The following XXYLT1 variants were observed in gnomAD, a reference collection of about 807,000 sequenced individuals.
The protein encoded by XXYLT1 is xyloside xylosyltransferase 1.
A neutral mutation model predicts 28.9 loss-of-function variants in XXYLT1; 20 were observed. That is an observed-to-expected ratio of 0.69 (90% confidence interval 0.49 to 1.00). The LOEUF (loss-of-function observed/expected upper bound fraction) is 1.00, where lower values mean the gene tolerates loss of function less well. XXYLT1 is among the 50% of genes least tolerant of loss of function. The pLI, the probability that XXYLT1 is intolerant of heterozygous loss-of-function variation, is 0.00. For synonymous variants in XXYLT1, 257 were observed against 253.8 expected (o/e 1.01, Z -0.12); for missense variants, 542 against 560.1 (o/e 0.97, Z 0.33).
At position 195,257,282 on chromosome 3, in the gene XXYLT1, T is replaced by G. The variant is rs925342511; in HGVS notation, c.504+13273A>C. 1.2e-4 allele frequency among the ~76,000 whole-genome samples: 18 copies of G among 152,234 alleles called. No individual in the cohort carries two copies. The highest frequency in any genetic ancestry group is 3.6e-4 in the African/African-American group (15 of 41,522). On this transcript the variant is annotated intron_variant, in intron 1 of 3. Coordinates refer to ENST00000310380, the MANE Select transcript of XXYLT1 (RefSeq NM_152531.5). This position sits in a 1 kb window ranked among gnomAD's most constrained non-coding sequence, Gnocchi z 4.3. ...TCCAGTGTGCGAGCCTATGCAGTCT[T>G]ACCCATGCCAGGCCCTGCGCCACTA...
chr3:195,204,787 G>T (rs191422622), intron 2 of XXYLT1, among the ~76,000 whole-genome samples: 1 of 152,352 alleles, frequency 6.6e-6, no homozygotes, highest in East Asian at 1.9e-4. Context: ...AGCCAGGCTA[G>T]GAAACGCAGG....
In XXYLT1 at chr3:195,254,156, C is replaced by T. The variant is rs144624173; in HGVS notation, c.504+16399G>A. ...AGCGCTTGGAGACTCTGGCCACAGA[C>T]GTCAGCAGTGACTGCCCAGGCCTGG... On this transcript the variant is annotated intron_variant, in intron 1 of 3. Coordinates refer to ENST00000310380, the MANE Select transcript of XXYLT1 (RefSeq NM_152531.5). Among the ~76,000 whole-genome samples the T allele has an allele frequency of 2.4e-4, 36 of 152,338 alleles. No individual in the cohort carries two copies. In the East Asian group the frequency reaches 5.6e-3, roughly 24 times the overall value.
In XXYLT1 at chr3:195,077,650, C is replaced by T. The variant is rs559258153; in HGVS notation, c.786-7539G>A. ...CTGTAAAGCGCGGCCTGGGGCTGGA[C>T]GTCGTAGGGGGTGAATGGCCCTGAT... is the stretch of plus-strand genomic sequence containing the variant. On this transcript the variant is annotated intron_variant, in intron 3 of 3. Coordinates refer to ENST00000310380, the MANE Select transcript of XXYLT1 (RefSeq NM_152531.5). This position sits in a 1 kb window ranked among gnomAD's most constrained non-coding sequence, Gnocchi z 4.8. Among the ~76,000 whole-genome samples the T allele has an allele frequency of 6.6e-6, 1 of 152,272 alleles. No homozygotes were observed. Among genetic ancestry groups the T allele is most frequent in the Admixed American group, 6.5e-5 (1 of 15,302 alleles).
rs1720125050 is a variant in XXYLT1 at position 195,150,290 on chromosome 3, T to C, written c.785+6159A>G. 6.6e-6 allele frequency among the ~76,000 whole-genome samples: 1 copy of C among 152,212 alleles called. No individual in the cohort carries two copies. Among genetic ancestry groups the C allele is most frequent in the Admixed American group, 6.5e-5 (1 of 15,292 alleles). The stretch of plus-strand genomic sequence containing the variant: ...TAAGGCTCAGAGACGTCAAGAGACT[T>C]GCCCAAGGTCACACAGCAACTGAGT... On this transcript the variant is annotated intron_variant, in intron 3 of 3. Coordinates refer to ENST00000310380, the MANE Select transcript of XXYLT1 (RefSeq NM_152531.5). The surrounding 1 kb of genome is among the most constrained non-coding windows in gnomAD (Gnocchi z 4.7).
intron 2 of XXYLT1, among the ~76,000 whole-genome samples, chr3:195,220,008 C>T (rs770737829): frequency 2.6e-5 from 4 of 152,126 alleles, no homozygotes; most frequent in African/African-American, 4.8e-5. Flanking sequence ...CCGCAGGAAA[C>T]GAGCAGGCTG....
Position 195,180,838 on chromosome 3 carries a change from C to T in XXYLT1, c.653-24257G>A, listed in dbSNP as rs1044032676. ...CCTAGTCCTGCCTCAGGACTTTGCT[C>T]GTGAGGGGTCCTCAAGGCCACTGTC... On this transcript the variant is annotated intron_variant, in intron 2 of 3. Transcript: ENST00000310380. The surrounding 1 kb of genome is among the most constrained non-coding windows in gnomAD (Gnocchi z 5.8). Among the ~76,000 whole-genome samples the T allele has an allele frequency of 9.2e-5, 14 of 152,158 alleles. No individual in the cohort carries two copies. Among genetic ancestry groups the T allele is most frequent in the Non-Finnish European group, 1.6e-4 (11 of 68,034 alleles).
rs116067688 is a variant in XXYLT1, at chr3:195,142,351, G to A, written c.785+14098C>T. On this transcript the variant is annotated intron_variant, in intron 3 of 3. Coordinates refer to ENST00000310380, the MANE Select transcript of XXYLT1 (RefSeq NM_152531.5). The stretch of plus-strand genomic sequence containing the variant: ...GGCAGATCTAGAAAATGGAGTCTTC[G>A]GTGGCAGGGTCTCATTCAGACTGCT... 6.4e-3 allele frequency among the ~76,000 whole-genome samples: 978 copies of A among 152,184 alleles called. 7 individuals carry two copies. The highest frequency in any genetic ancestry group is 0.023 in the African/African-American group (937 of 41,502).
At chr3:195,104,518 G>A (rs1017600449) in intron 3 of XXYLT1, among the ~76,000 whole-genome samples, 2 of 152,108 alleles carry the variant, frequency 1.3e-5, no homozygotes, top group Non-Finnish European at 2.9e-5. Context: ...CTGCTCACAC[G>A]ACCATGTGTT....
At chr3:195,117,469 A>G (rs1164132856) in intron 3 of XXYLT1, among the ~76,000 whole-genome samples, 1 of 152,234 alleles carries the variant, frequency 6.6e-6, no homozygotes, top group Non-Finnish European at 1.5e-5. Context: ...TCTCATTTTT[A>G]TAAAACAATT....
chr3:195,157,802 C>T (rs542912004), intron 2 of XXYLT1, among the ~76,000 whole-genome samples: 1 of 152,198 alleles, frequency 6.6e-6, no homozygotes, highest in South Asian at 2.1e-4. Context: ...TCCTGGTACC[C>T]GGCCTGGGAA....
At chr3:195,079,370 C>A (rs9876307) in intron 3 of XXYLT1, among the ~76,000 whole-genome samples, 1 of 151,948 alleles carries the variant, frequency 6.6e-6, no homozygotes, top group Non-Finnish European at 1.5e-5. Context: ...GTATTCTGTA[C>A]GCCAAGGGAA....
At chr3:195,073,395 G>A (rs1204000978) in intron 3 of XXYLT1, among the ~76,000 whole-genome samples, 3 of 152,184 alleles carry the variant, frequency 2.0e-5, no homozygotes, top group Non-Finnish European at 4.4e-5. Flanking sequence ...TCTGTGGCAC[G>A]TGCAGAGGCT....
rs1717177931 is a variant in XXYLT1, at chr3:195,107,529, G to GAGGAAGGAGGAAGGAGGAAGGGGA, written c.786-37419_786-37418insTCCCCTTCCTCCTTCCTCCTTCCT. 2.5e-3 allele frequency among the ~76,000 whole-genome samples: 27 copies of GAGGAAGGAGGAAGGAGGAAGGGGA among 10,716 alleles called. 6 individuals are homozygous for GAGGAAGGAGGAAGGAGGAAGGGGA. The highest frequency in any genetic ancestry group is 5.1e-3 in the African/African-American group (15 of 2,926). The allele number at this position is 10,716 out of a possible 152,430, so 7.0% of individuals were successfully genotyped here. ...AGGAAGAAGAAGAAGGAGGAGGAAG[G>GAGGAAGGAGGAAGGAGGAAGGGGA]AGGAGGAGGGGGAGGAGGAGGGGGA... is the stretch of plus-strand genomic sequence containing the variant. On this transcript the variant is annotated intron_variant, in intron 3 of 3. Transcript: ENST00000310380.
At chr3:195,110,360 TGCGTGCGTGTGTG>T (rs1560100915) in intron 3 of XXYLT1, among the ~76,000 whole-genome samples, 2 of 43,178 alleles carry the variant, frequency 4.6e-5, no homozygotes, top group African/African-American at 1.8e-4. Context: ...GTGGTGTATG[TGCGTGCGTGTGTG>T]CTGTATAAGT....
chr3:195,146,716 G>A (rs1719872733), intron 3 of XXYLT1: 1 of 152,288 alleles, frequency 6.6e-6, no homozygotes, highest in African/African-American at 2.4e-5. Flanking sequence ...TGTTTGTTTG[G>A]TTTCTTTTTT....
intron 2 of XXYLT1, among the ~76,000 whole-genome samples, chr3:195,212,685 ACT>A: frequency 6.6e-6 from 1 of 152,154 alleles, no homozygotes; most frequent in East Asian, 1.9e-4. Context: ...TCCTTATGAG[ACT>A]CTGACGAATG....
rs190198498 is a variant in XXYLT1 at position 195,074,701 on chromosome 3, G to C, written c.786-4590C>G. ...TTCAGACCCATGACCCTGCATCTTG[G>C]TCCTACCTGGAGCTAAGGCTGAAGT... On this transcript the variant is annotated intron_variant, in intron 3 of 3. Transcript: ENST00000310380. 8.7e-4 allele frequency among the ~76,000 whole-genome samples: 132 copies of C among 152,314 alleles called. 1 individual carries two copies. The highest frequency in any genetic ancestry group is 3.1e-3 in the African/African-American group (128 of 41,570).
At chr3:195,206,765 CA>C (rs71648805) in intron 2 of XXYLT1, among the ~76,000 whole-genome samples, 33 of 135,618 alleles carry the variant, frequency 2.4e-4, no homozygotes, top group East Asian at 8.4e-4. Context: ...GACTCCGTCT[CA>C]AAAAAAAAAA....
At chr3:195,196,931 T>C (rs976670373) in intron 2 of XXYLT1, among the ~76,000 whole-genome samples, 8 of 151,956 alleles carry the variant, frequency 5.3e-5, no homozygotes, top group Admixed American at 3.9e-4. Flanking sequence ...GAAAAATATT[T>C]TACACTGGGA....
Sources: allele counts gnomAD v4.1 joint callset (sites outside exome capture counted in the v4.1 genomes callset), GRCh38; gene constraint gnomAD v4.1.1; non-coding constraint Gnocchi (gnomAD v3.1); transcripts MANE v1.5; gene names NCBI Gene and HGNC (gene_info 2026-07-23, HGNC 2026-07-21).